Variants in CAPRIN1 observed in about 807,000 individuals in gnomAD.
The protein encoded by CAPRIN1 is caprin-1.
In CAPRIN1, 29 loss-of-function variants were observed where a neutral mutation model predicts 100.9. That is an observed-to-expected ratio of 0.29 (90% CI 0.21 to 0.39). The LOEUF (loss-of-function observed/expected upper bound fraction) is 0.39, where lower values mean the gene tolerates loss of function less well. Among genes scored for constraint, CAPRIN1 ranks in the 10% least tolerant of loss-of-function variants. The probability of loss-of-function intolerance (pLI) is 1.00; values close to 1 mark genes in which losing one functional copy is unlikely to be tolerated. For synonymous variants in CAPRIN1, 338 were observed against 307.5 expected, an observed-to-expected ratio of 1.10 and a Z score of -1.04; for missense variants, 795 against 876.7, an observed-to-expected ratio of 0.91 and a Z score of 1.18.
intron 4 of CAPRIN1, among the ~76,000 whole-genome samples, chr11:34,075,394 A>G (rs1438871408): frequency 6.6e-6 from 1 of 152,182 alleles, no homozygotes; most frequent in Non-Finnish European, 1.5e-5. Context: ...CTCATGTTAG[A>G]TACACGGGAG....
Position 34,096,662 on chromosome 11 carries a change from A to G in CAPRIN1, c.1889A>G (p.Asn630Ser), listed in dbSNP as rs771457168. ...GLMNGYRGPA[N>S]GFRGGYDGYR... ...ATGAATGGATACCGGGGCCCTGCCA[A>G]TGGATTCAGAGGTAAAAAAATAAAA... The change falls in exon 16 of 19, where the codon AAT (asparagine) becomes AGT (serine). Residue 630 changes from asparagine (N) to serine (S), a missense_variant. By Grantham distance (46) the Asn-to-Ser change is conservative. This residue lies in a region of CAPRIN1 where 648 missense variants were observed against 697.9 expected (regional missense o/e 0.93). Transcript: ENST00000341394. 30 of 1,599,480 alleles carry G rather than the reference A, an allele frequency of 1.9e-5. No individual in the cohort carries two copies. Among genetic ancestry groups the G allele is most frequent in the African/African-American group, 8.0e-5 (6 of 74,678 alleles).
chr11:34,085,966 T>G, intron 9 of CAPRIN1, 98 bp from the exon 10 acceptor site: 1 of 899,904 alleles, frequency 1.1e-6, no homozygotes. Context: ...CTGTTTATAG[T>G]ATAGATGGTT....
At chr11:34,070,922 G>C (rs535345200) in intron 2 of CAPRIN1, among the ~76,000 whole-genome samples, 98 of 149,824 alleles carry the variant, frequency 6.5e-4, no homozygotes, top group Non-Finnish European at 1.1e-3. Flanking sequence ...GGCTGGTCTC[G>C]AGCTCCTGAC....
In CAPRIN1 at chr11:34,083,027, G is replaced by A; in HGVS notation, c.952G>A (p.Val318Ile). ...AAAGGAGCAGGTAGATGAGTGGACA[G>A]TTGAAACGGTTGAGGTAAGAGTTCT... Reference protein sequence around the residue: ...GEKEQVDEWTVETVEVVNSLQ... With the variant: ...GEKEQVDEWTIETVEVVNSLQ... The change falls in exon 9 of 19, where the codon GTT becomes ATT. Residue 318 changes from valine to isoleucine, a missense_variant. By Grantham distance (29) the Val-to-Ile change is conservative (BLOSUM62 3). This residue lies in a region of CAPRIN1 where 648 missense variants were observed against 697.9 expected (regional missense o/e 0.93). Coordinates refer to ENST00000341394, the MANE Select transcript of CAPRIN1 (RefSeq NM_005898.5). 5 of 1,612,764 alleles carry A rather than the reference G, an allele frequency of 3.1e-6. No individual in the cohort carries two copies. The highest frequency in any genetic ancestry group is 4.2e-6 in the Non-Finnish European group (5 of 1,178,834).
chr11:34,095,442 GCT>G (rs1319732496), intron 15 of CAPRIN1, among the ~76,000 whole-genome samples: 1 of 152,192 alleles, frequency 6.6e-6, no homozygotes, highest in African/African-American at 2.4e-5. Context: ...AGGAGCAGTG[GCT>G]CTCTCTTTTT....
chr11:34,078,409 CT>C (rs1226608052), intron 6 of CAPRIN1, among the ~76,000 whole-genome samples: 1 of 152,122 alleles, frequency 6.6e-6, no homozygotes, highest in African/African-American at 2.4e-5. Context: ...CTTCATACAT[CT>C]CCCCCTCTGC....
chr11:34,079,595 G>C (rs771016175), intron 6 of CAPRIN1, 33 bp from the exon 7 acceptor site: 2 of 1,593,050 alleles, frequency 1.3e-6, no homozygotes, highest in South Asian at 2.2e-5. Context: ...CCTCAGATAA[G>C]TCTTACATTA....
rs952860556 is a variant in CAPRIN1 at position 34,052,531 on chromosome 11, G to T, written c.111G>T (p.Pro37=). The T allele has an allele frequency of 6.2e-7, 1 of 1,605,940 alleles. No homozygotes were observed. The highest frequency in any genetic ancestry group is 1.3e-5 in the African/African-American group (1 of 74,752). ...EAAAGAGAAA[P]ASQHPATGTG... is the part of the protein sequence containing the mutation. ...CCGCGGGAGCCGGGGCCGCCGCGCC[G>T]GCTTCTCAGCACCCCGCAACCGGCA... The change falls in exon 2 of 19, where the codon CCG becomes CCT. Residue 37 remains proline, a synonymous_variant. Coordinates refer to ENST00000341394, the MANE Select transcript of CAPRIN1 (RefSeq NM_005898.5).
rs1405472982 is a variant in CAPRIN1 at position 34,090,258 on chromosome 11, G to A, written c.1373G>A (p.Arg458Gln). Residue 458 changes from arginine to glutamine, a missense_variant, in exon 13 of 19, where the codon CGA (arginine) becomes CAA (glutamine). Physicochemically the swap from Arg to Gln is conservative, Grantham distance 43 (BLOSUM62 1). Around this residue, in one of 3 missense-constraint regions of CAPRIN1, gnomAD observed 648 missense variants for 697.9 expected, o/e 0.93. Transcript: ENST00000341394. Reference sequence around the variant, plus strand: ...CAGCCTTCTCATGCTACAGAGCAACGACCACAGAAGGAACCAATTGATCAG... The same window carrying A: ...CAGCCTTCTCATGCTACAGAGCAACAACCACAGAAGGAACCAATTGATCAG... ...LYQPSHATEQRPQKEPIDQIQ... is the reference protein window; with the variant it reads ...LYQPSHATEQQPQKEPIDQIQ... 3 of 1,613,640 alleles carry A rather than the reference G, an allele frequency of 1.9e-6. No homozygotes were observed. Among genetic ancestry groups the A allele is most frequent in the Non-Finnish European group, 2.5e-6 (3 of 1,179,698 alleles).
In CAPRIN1 at chr11:34,092,059, A is replaced by G; in HGVS notation, c.1705+3A>G. ...TCAGCAAGAACAGCTTCAAACAGGTACGAAATCCAGTGTCACCTCATTGGC... is the reference window on the plus strand; with the variant it reads ...TCAGCAAGAACAGCTTCAAACAGGTGCGAAATCCAGTGTCACCTCATTGGC... On this transcript the variant is annotated splice_donor_region_variant and intron_variant, in intron 15 of 18. Transcript: ENST00000341394. 6.2e-7 allele frequency: 1 copy of G among 1,613,260 alleles called. No homozygotes were observed. Among genetic ancestry groups the G allele is most frequent in the Non-Finnish European group, 8.5e-7 (1 of 1,179,722 alleles).
At chr11:34,077,593 T>C (rs1167958280) in intron 6 of CAPRIN1, among the ~76,000 whole-genome samples, 3 of 152,202 alleles carry the variant, frequency 2.0e-5, no homozygotes, top group Non-Finnish European at 4.4e-5. Flanking sequence ...AGGGAATAGA[T>C]TCTTATCTTT....
chr11:34,075,771 G>C (rs1850894758), intron 4 of CAPRIN1, among the ~76,000 whole-genome samples: 1 of 152,080 alleles, frequency 6.6e-6, no homozygotes, highest in Non-Finnish European at 1.5e-5. Flanking sequence ...TTACATTTCT[G>C]TATAATTTCT....
intron 2 of CAPRIN1, among the ~76,000 whole-genome samples, chr11:34,059,326 T>C (rs1306285528): frequency 6.6e-6 from 1 of 150,700 alleles, no homozygotes; most frequent in Non-Finnish European, 1.5e-5. Flanking sequence ...TGGAGTGCAA[T>C]GGTGTGGTCT....
At chr11:34,055,729 A>G (rs1850435904) in intron 2 of CAPRIN1, 1 of 152,214 alleles carries the variant, frequency 6.6e-6, no homozygotes, top group African/African-American at 2.4e-5. Flanking sequence ...GAGATTCAAC[A>G]AACTGCACAA....
Position 34,057,351 on chromosome 11 carries a change from C to T in CAPRIN1, c.216+4715C>T, listed in dbSNP as rs114950908. 2.4e-3 allele frequency among the ~76,000 whole-genome samples: 370 copies of T among 152,254 alleles called. 4 individuals are homozygous for T. The highest frequency in any genetic ancestry group is 8.7e-3 in the African/African-American group (360 of 41,534). ...AAGTATTTAAAGCTGTGAATTCCCC[C>T]AAGTGATAATGGGTACCTTTTTCTA... On this transcript the variant is annotated intron_variant, in intron 2 of 18. Transcript: ENST00000341394.
At chr11:34,067,975 T>G (rs1389201082) in intron 2 of CAPRIN1, among the ~76,000 whole-genome samples, 1 of 152,206 alleles carries the variant, frequency 6.6e-6, no homozygotes, top group African/African-American at 2.4e-5. Flanking sequence ...AATCCAAAAT[T>G]TAAGGGATTA....
At chr11:34,089,574 C>T in intron 12 of CAPRIN1, 118 bp downstream of exon 12, 1 of 533,816 alleles carries the variant, frequency 1.9e-6, no homozygotes, top group Non-Finnish European at 3.4e-6. Context: ...CAAGACCAGT[C>T]TGGGCAGTGT....
chr11:34,072,316 TA>T (rs59649247), intron 4 of CAPRIN1, among the ~76,000 whole-genome samples: 170 of 114,970 alleles, frequency 1.5e-3, no homozygotes, highest in Non-Finnish European at 1.7e-3. Context: ...ACCCCATCTC[TA>T]AAAAAAAAAA....
intron 2 of CAPRIN1, among the ~76,000 whole-genome samples, chr11:34,062,471 A>G (rs190202895): frequency 3.4e-4 from 51 of 152,222 alleles, no homozygotes; most frequent in African/African-American, 1.2e-3. Flanking sequence ...TAAAAATAAA[A>G]AAAATTAGCC....
Sources: gnomAD v4.1 joint callset for allele counts (sites outside exome capture counted in the v4.1 genomes callset) on GRCh38, gnomAD v4.1.1 for gene constraint, gnomAD v4.1.1 regional missense constraint, MANE v1.5 for transcripts, NCBI Gene and HGNC (gene_info 2026-07-23, HGNC 2026-07-21) for gene names.